The following SRCAP variants were observed in gnomAD, a reference collection of about 807,000 sequenced individuals.
SRCAP encodes chromatin remodeling protein SRCAP.
Under a neutral mutation model 263.1 loss-of-function variants are expected in SRCAP, and 46 were observed. The ratio of observed to expected loss-of-function variants is 0.17; its 90% confidence interval spans 0.14 to 0.22. SRCAP has a LOEUF of 0.22. SRCAP is among the 10% of genes least tolerant of loss of function. The probability of loss-of-function intolerance (pLI) is 1.00; values close to 1 mark genes in which losing one functional copy is unlikely to be tolerated. For synonymous variants in SRCAP, 1,813 were observed against 1,662.1 expected (o/e 1.09, Z -2.21); for missense variants, 3,695 against 4,181.9 (o/e 0.88, Z 3.21).
chr16:30,722,972 C>T lies in SRCAP; in HGVS notation c.3902C>T (p.Thr1301Ile), dbSNP rs376954463. The T allele has an allele frequency of 2.0e-5, 32 of 1,606,784 alleles. No homozygotes were observed. The highest frequency in any genetic ancestry group is 2.7e-5 in the Non-Finnish European group (32 of 1,174,304). ...LPLAANQVPP[T>I]MVNNTGVVKI... is the part of the protein sequence containing the mutation. ...TAGCTTCCTCTTGCAGTGCCACCAA[C>T]CATGGTGAATAATACAGGCGTGGTG... Residue 1301 changes from threonine to isoleucine, a missense_variant, in exon 24 of 34, where the codon ACC (threonine) becomes ATC (isoleucine). Around this residue, in one of 12 missense-constraint regions of SRCAP, gnomAD observed 1,347 missense variants for 1,304.4 expected, o/e 1.03. Coordinates refer to ENST00000262518, the MANE Select transcript of SRCAP (RefSeq NM_006662.3).
intron 18 of SRCAP, among the ~76,000 whole-genome samples, chr16:30,718,924 T>C (rs1210049627): frequency 6.6e-6 from 1 of 151,226 alleles, no homozygotes; most frequent in Non-Finnish European, 1.5e-5. Flanking sequence ...TGATACAGAG[T>C]CTTACTCTGT....
rs1169955376 is a variant in SRCAP, at chr16:30,737,331, C to G, written c.7291C>G (p.Pro2431Ala). The change falls in exon 34 of 34, where the codon CCT (proline) becomes GCT (alanine). Residue 2431 changes from proline (P) to alanine (A), a missense_variant. Pro to Ala is a conservative substitution (Grantham distance 27, BLOSUM62 -1). This residue lies in a region of SRCAP where 1,207 missense variants were observed against 1,142.9 expected (regional missense o/e 1.06). Coordinates refer to ENST00000262518, the MANE Select transcript of SRCAP (RefSeq NM_006662.3). Reference protein sequence around the residue: ...RSTTTPPRCSPARERVPRPAP... With the variant: ...RSTTTPPRCSAARERVPRPAP... ...CACCACCACACCACCCCGCTGCAGT[C>G]CTGCCAGGGAGCGAGTTCCCAGGCC... 6.2e-7 allele frequency: 1 copy of G among 1,614,164 alleles called. No individual in the cohort carries two copies. Among genetic ancestry groups the G allele is most frequent in the Non-Finnish European group, 8.5e-7 (1 of 1,180,034 alleles).
chr16:30,736,427 C>G, intron 32 of SRCAP, 33 bp downstream of exon 32: 1 of 1,603,782 alleles, frequency 6.2e-7, no homozygotes, highest in Non-Finnish European at 8.5e-7. Flanking sequence ...CTTGACTTTA[C>G]TGCTTCCCCT....
At chr16:30,713,150 C>T (rs897205616) in intron 14 of SRCAP, 58 bp from the exon 15 acceptor site, 11 of 1,559,174 alleles carry the variant, frequency 7.1e-6, no homozygotes, top group African/African-American at 2.7e-5. Context: ...AGCATGTCTT[C>T]CCTTTGCTCT....
intron 25 of SRCAP, 131 bp downstream of exon 25, chr16:30,725,213 G>C: frequency 6.9e-7 from 1 of 1,447,966 alleles, no homozygotes; most frequent in Non-Finnish European, 9.1e-7. Context: ...AAGTACTTGA[G>C]TGACATTTGG....
At position 30,709,955 on chromosome 16, in the gene SRCAP, A is replaced by ATTGAGCTGCTTCGC; in HGVS notation, c.962_975dup (p.Arg326LeufsTer59). ...TGATGCAGAGGCCCAGAGGCGTGAG[A>ATTGAGCTGCTTCGC]TTGAGCTGCTTCGCCGTGAGGGAGA... is the stretch of plus-strand genomic sequence containing the variant. On this transcript the variant is annotated frameshift_variant, in exon 8 of 34. Transcript: ENST00000262518. LOFTEE classifies it high-confidence loss of function. The ATTGAGCTGCTTCGC allele has an allele frequency of 6.2e-7, 1 of 1,614,188 alleles. No individual in the cohort carries two copies. Among genetic ancestry groups the ATTGAGCTGCTTCGC allele is most frequent in the Non-Finnish European group, 8.5e-7 (1 of 1,180,040 alleles).
At chr16:30,707,122 C>T (rs2052836301) in intron 4 of SRCAP, 61 bp from the exon 5 acceptor site, 18 of 1,554,670 alleles carry the variant, frequency 1.2e-5, no homozygotes, top group Middle Eastern at 1.7e-4. Flanking sequence ...GGAATTCAGC[C>T]GTGGCAGTGA....
intron 27 of SRCAP, among the ~76,000 whole-genome samples, chr16:30,732,475 A>G (rs2053122965): frequency 1.3e-5 from 2 of 152,076 alleles, no homozygotes; most frequent in African/African-American, 4.8e-5. Flanking sequence ...GGAAAAGGAA[A>G]AAAATAAAAG....
In SRCAP at chr16:30,708,351, G is replaced by A. The variant is rs183130713; in HGVS notation, c.633+639G>A. 7.9e-5 allele frequency among the ~76,000 whole-genome samples: 12 copies of A among 152,174 alleles called. No homozygotes were observed. The East Asian group carries it at 2.3e-3, about 29-fold the overall frequency. On this transcript the variant is annotated intron_variant, in intron 6 of 33. Coordinates refer to ENST00000262518, the MANE Select transcript of SRCAP (RefSeq NM_006662.3). ...GATCTCCCAAGTATCTGGGACTACA[G>A]GCGCGTGCTACCACATCTTGCTAAT...
chr16:30,730,353 G>A (rs180680188), intron 27 of SRCAP, among the ~76,000 whole-genome samples: 20 of 12,456 alleles, frequency 1.6e-3, no homozygotes, highest in Admixed American at 5.4e-3. Flanking sequence ...TTTTCTTAAT[G>A]AGCCAATCTG....
intron 16 of SRCAP, among the ~76,000 whole-genome samples, chr16:30,714,064 A>ATTTT (rs528435570): frequency 8.1e-6 from 1 of 123,156 alleles, no homozygotes; most frequent in South Asian, 2.6e-4. Flanking sequence ...AGCCTGGCTA[A>ATTTT]TTTTTTTTTT....
rs1344939326 is a variant in SRCAP, at chr16:30,710,979, T to C, written c.1229-20T>C. 6.2e-7 allele frequency: 1 copy of C among 1,611,010 alleles called. No homozygotes were observed. Among genetic ancestry groups the C allele is most frequent in the Admixed American group, 1.7e-5 (1 of 60,022 alleles). On this transcript the variant is annotated intron_variant, in intron 9 of 33. Coordinates refer to ENST00000262518, the MANE Select transcript of SRCAP (RefSeq NM_006662.3). ...CTCTAGCCTCTATCCCTATTAATCTTGCTTCTGTCTCTTTCCTAGCGGAGG... is the reference window on the plus strand; with the variant it reads ...CTCTAGCCTCTATCCCTATTAATCTCGCTTCTGTCTCTTTCCTAGCGGAGG...
rs1288860564 is a variant in SRCAP, at chr16:30,709,506, G to A, written c.634-7G>A. On this transcript the variant is annotated splice_region_variant and splice_polypyrimidine_tract_variant and intron_variant, in intron 6 of 33. Transcript: ENST00000262518. ...TTGGTGAGCAGTCCCTTTCACATCT[G>A]TGGCAGGTGGTGCAATTCAAGCAAC... is the stretch of plus-strand genomic sequence containing the variant. 6.2e-6 allele frequency: 10 copies of A among 1,614,010 alleles called. No homozygotes were observed. Among genetic ancestry groups the A allele is most frequent in the Admixed American group, 1.7e-5 (1 of 60,006 alleles).
rs184172962 is a variant in SRCAP, at chr16:30,732,650, G to A, written c.6128-630G>A. Among the ~76,000 whole-genome samples the A allele has an allele frequency of 2.6e-3, 399 of 152,210 alleles. 8 individuals carry two copies. Among genetic ancestry groups the A allele is most frequent in the Non-Finnish European group, 1.6e-3 (106 of 68,026 alleles). On this transcript the variant is annotated intron_variant, in intron 27 of 33. Transcript: ENST00000262518. Reference sequence around the variant, plus strand: ...GATATCTATCCTGTGAATCTGTTCTGGATTTCAGGTGGTATGACTATTGTA... The same window carrying A: ...GATATCTATCCTGTGAATCTGTTCTAGATTTCAGGTGGTATGACTATTGTA...
intron 11 of SRCAP, 36 bp from the exon 12 acceptor site, chr16:30,711,799 G>A (rs752966588): frequency 1.7e-5 from 28 of 1,611,362 alleles, no homozygotes; most frequent in Non-Finnish European, 2.4e-5. Flanking sequence ...GGAAGAGCAG[G>A]TATGATGAGC....
At chr16:30,718,513 G>T (rs879583326) in intron 18 of SRCAP, among the ~76,000 whole-genome samples, 1 of 134,576 alleles carries the variant, frequency 7.4e-6, no homozygotes, top group Non-Finnish European at 1.5e-5. Context: ...TTACTCTGTC[G>T]CTCAGGCTGG....
chr16:30,722,371 TA>T, intron 22 of SRCAP, 85 bp downstream of exon 22: 1 of 1,554,698 alleles, frequency 6.4e-7, no homozygotes, highest in Non-Finnish European at 8.7e-7. Flanking sequence ...TGTCAGCCTT[TA>T]TGTTTCTTAC....
At chr16:30,729,337 A>G (rs762531766) in intron 26 of SRCAP, 33 bp from the exon 27 acceptor site, 5 of 1,612,466 alleles carry the variant, frequency 3.1e-6, no homozygotes, top group African/African-American at 1.3e-5. Flanking sequence ...TCAGAGTCCC[A>G]TCTTTTACAC....
Position 30,700,968 on chromosome 16 carries a change from G to C in SRCAP, c.54+90G>C, listed in dbSNP as rs981456731. The C allele has an allele frequency of 1.2e-5, 16 of 1,369,686 alleles. No individual in the cohort carries two copies. The African/African-American group carries it at 1.9e-4, about 16-fold the overall frequency. The allele number at this position is 1,369,686 out of a possible 1,614,324, so 84.8% of individuals were successfully genotyped here. A position where few individuals can be genotyped will look rare whatever the true frequency, so the allele number is the denominator to read the frequency against. On this transcript the variant is annotated intron_variant, in intron 3 of 33. Coordinates refer to ENST00000262518, the MANE Select transcript of SRCAP (RefSeq NM_006662.3). ...GAAATGTGGCAGGGGAATATTTGTG[G>C]AGAGTTTTGGAGAATCTTTGGTGCT... is the stretch of plus-strand genomic sequence containing the variant.
Sources: allele counts gnomAD v4.1 joint callset (sites outside exome capture counted in the v4.1 genomes callset), GRCh38; gene constraint gnomAD v4.1.1; regional missense constraint gnomAD v4.1.1; transcripts MANE v1.5; gene names NCBI Gene and HGNC (gene_info 2026-07-23, HGNC 2026-07-21).